The following NRXN1 variants were observed in gnomAD, a reference collection of about 807,000 sequenced individuals.
The protein encoded by NRXN1 is neurexin-1.
Under a neutral mutation model 150.9 loss-of-function variants are expected in NRXN1, and 39 were observed. That is an observed-to-expected ratio of 0.26 (90% CI 0.20 to 0.34). NRXN1 has a LOEUF of 0.34. NRXN1 is among the 10% of genes least tolerant of loss of function. The pLI, the probability that NRXN1 is intolerant of heterozygous loss-of-function variation, is 1.00. For synonymous variants in NRXN1, 924 were observed against 757.0 expected (o/e 1.22, Z -3.62); for missense variants, 1,815 against 1,949.9 (o/e 0.93, Z 1.30).
intron 8 of NRXN1, among the ~76,000 whole-genome samples, chr2:50,570,346 C>T (rs931277272): frequency 6.6e-6 from 1 of 152,128 alleles, no homozygotes; most frequent in Non-Finnish European, 1.5e-5. Context: ...TGGGCATTTC[C>T]ATAGCACTGG....
chr2:50,844,728 T>C (rs777572381), intron 5 of NRXN1, among the ~76,000 whole-genome samples: 3 of 152,180 alleles, frequency 2.0e-5, no homozygotes, highest in Non-Finnish European at 4.4e-5. Flanking sequence ...CGGTTCGTCA[T>C]TCCTCACGTA....
chr2:50,711,412 T>C (rs529742971), intron 5 of NRXN1, among the ~76,000 whole-genome samples: 1 of 149,566 alleles, frequency 6.7e-6, no homozygotes, highest in Admixed American at 6.7e-5. Flanking sequence ...CTTGGCTCAC[T>C]GCAACCTCCG....
At chr2:49,964,162 G>T (rs1676494658) in intron 21 of NRXN1, among the ~76,000 whole-genome samples, 1 of 152,196 alleles carries the variant, frequency 6.6e-6, no homozygotes, top group Admixed American at 6.5e-5. Context: ...CACTTCTACT[G>T]TTCATATCAA....
intron 17 of NRXN1, among the ~76,000 whole-genome samples, chr2:50,244,157 A>T (rs551723686): frequency 1.3e-4 from 20 of 152,060 alleles, no homozygotes; most frequent in African/African-American, 3.8e-4. Flanking sequence ...TCACATTTTG[A>T]TGTTTATAAA....
intron 17 of NRXN1, among the ~76,000 whole-genome samples, chr2:50,237,838 C>T (rs929661520): frequency 5.3e-5 from 8 of 151,922 alleles, no homozygotes; most frequent in African/African-American, 1.9e-4. Flanking sequence ...CCCATAAACC[C>T]CATATGTTGA....
chr2:50,081,318 C>G (rs1374286941), intron 19 of NRXN1, among the ~76,000 whole-genome samples: 1 of 152,192 alleles, frequency 6.6e-6, no homozygotes, highest in Non-Finnish European at 1.5e-5. Context: ...GTGGCTCATG[C>G]CTGTAATCCC....
At chr2:50,782,005 A>G (rs1398342356) in intron 5 of NRXN1, among the ~76,000 whole-genome samples, 1 of 152,202 alleles carries the variant, frequency 6.6e-6, no homozygotes, top group African/African-American at 2.4e-5. Flanking sequence ...TCACCGAAAA[A>G]TAAGTCATTC....
intron 17 of NRXN1, among the ~76,000 whole-genome samples, chr2:50,408,353 C>T (rs1452577057): frequency 6.6e-6 from 1 of 152,206 alleles, no homozygotes; most frequent in Non-Finnish European, 1.5e-5. Flanking sequence ...ACATTTAGTT[C>T]TCACTACAAC....
intron 8 of NRXN1, among the ~76,000 whole-genome samples, chr2:50,568,968 A>G (rs985525797): frequency 1.3e-5 from 2 of 152,196 alleles, no homozygotes; most frequent in Non-Finnish European, 2.9e-5. Flanking sequence ...TCCATAAAAA[A>G]GAATGGGATT....
intron 17 of NRXN1, among the ~76,000 whole-genome samples, chr2:50,295,314 A>G (rs1418544406): frequency 1.3e-5 from 2 of 152,220 alleles, no homozygotes; most frequent in African/African-American, 2.4e-5. Flanking sequence ...GGATAGGTCA[A>G]TGAAAATCTA....
chr2:49,985,256 A>C (rs1373626739), intron 21 of NRXN1, among the ~76,000 whole-genome samples: 1 of 152,218 alleles, frequency 6.6e-6, no homozygotes, highest in Non-Finnish European at 1.5e-5. Flanking sequence ...TATTAAGATG[A>C]AGAAGTTACA....
intron 5 of NRXN1, among the ~76,000 whole-genome samples, chr2:50,805,715 C>T (rs750276731): frequency 2.5e-4 from 38 of 151,960 alleles, no homozygotes; most frequent in African/African-American, 5.3e-4. Context: ...TAATAGTGTT[C>T]GATGCATTAT....
chr2:50,078,045 T>A (rs1697357261), intron 19 of NRXN1, among the ~76,000 whole-genome samples: 1 of 152,096 alleles, frequency 6.6e-6, no homozygotes, highest in South Asian at 2.1e-4. Context: ...TTCATCATCA[T>A]AATTTAAATT....
At chr2:50,409,365 A>G (rs1004423663) in intron 17 of NRXN1, among the ~76,000 whole-genome samples, 10 of 152,318 alleles carry the variant, frequency 6.6e-5, no homozygotes, top group Non-Finnish European at 1.2e-4. Flanking sequence ...AAACAAAACA[A>G]AAATCCATCT....
At chr2:50,331,753 T>G (rs558473505) in intron 17 of NRXN1, among the ~76,000 whole-genome samples, 1 of 152,276 alleles carries the variant, frequency 6.6e-6, no homozygotes, top group South Asian at 2.1e-4. Flanking sequence ...AAACCATCAC[T>G]GCTAAGAATT....
At chr2:50,616,967 C>G (rs892993693) in intron 8 of NRXN1, among the ~76,000 whole-genome samples, 2 of 152,174 alleles carry the variant, frequency 1.3e-5, no homozygotes, top group Non-Finnish European at 2.9e-5. Flanking sequence ...TGAGAATGAA[C>G]ATGGGTATAT....
At chr2:50,683,646 A>AAAAAAAAATATATATATATATAT in intron 5 of NRXN1, among the ~76,000 whole-genome samples, 2 of 14,904 alleles carry the variant, frequency 1.3e-4, no homozygotes, top group Non-Finnish European at 2.2e-4. Context: ...AAAAAAAAAA[A>AAAAAAAAATATATATATATATAT]ATATATATAT....
At chr2:50,055,293 T>C (rs1292615824) in intron 19 of NRXN1, among the ~76,000 whole-genome samples, 4 of 152,226 alleles carry the variant, frequency 2.6e-5, no homozygotes, top group Non-Finnish European at 5.9e-5. Context: ...ATTAAACTTA[T>C]GTTATAGACA....
At chr2:50,372,571 A>G (rs1163401846) in intron 17 of NRXN1, among the ~76,000 whole-genome samples, 1 of 152,122 alleles carries the variant, frequency 6.6e-6, no homozygotes, top group African/African-American at 2.4e-5. Flanking sequence ...CAAAGAACAA[A>G]AAACCTCAGA....
Sources: allele counts gnomAD v4.1 joint callset (sites outside exome capture counted in the v4.1 genomes callset), GRCh38; gene constraint gnomAD v4.1.1; transcripts MANE v1.5; gene names NCBI Gene and HGNC (gene_info 2026-07-23, HGNC 2026-07-21).